NRXN3: variants seen among roughly 807,000 people sequenced by gnomAD.
The protein encoded by NRXN3 is neurexin III.
Under a neutral mutation model 137.6 loss-of-function variants are expected in NRXN3, and 32 were observed. The ratio of observed to expected loss-of-function variants is 0.23; its 90% CI spans 0.18 to 0.31. The LOEUF is 0.31. NRXN3 is among the 10% of genes least tolerant of loss of function. NRXN3 has a pLI of 1.00. For synonymous variants in NRXN3, 798 were observed against 784.5 expected, an observed-to-expected ratio of 1.02 and a Z score of -0.29; for missense variants, 1,574 against 2,062.5, an observed-to-expected ratio of 0.76 and a Z score of 4.59.
At chr14:78,667,423 A>G (rs1192806213) in intron 6 of NRXN3, among the ~76,000 whole-genome samples, 1 of 152,190 alleles carries the variant, frequency 6.6e-6, no homozygotes, top group Non-Finnish European at 1.5e-5. Flanking sequence ...TGGTCCTTAC[A>G]ATACCCCATA....
intron 8 of NRXN3, among the ~76,000 whole-genome samples, chr14:78,732,941 T>A (rs538358464): frequency 1.3e-5 from 2 of 152,210 alleles, no homozygotes; most frequent in South Asian, 4.1e-4. Flanking sequence ...ATTACTGAAA[T>A]TTGCTCAAGT....
rs574596442 is a variant in NRXN3 at position 79,014,812 on chromosome 14, T to A, written c.3262+26671T>A. Among the ~76,000 whole-genome samples the A allele has an allele frequency of 2.6e-5, 4 of 152,278 alleles. No homozygotes were observed. In the South Asian group the frequency reaches 8.3e-4, roughly 32 times the overall value. On this transcript the variant is annotated intron_variant, in intron 15 of 20. Coordinates refer to ENST00000335750, the MANE Select transcript of NRXN3 (RefSeq NM_001330195.2). ...GTTCCTTCAATCTTTGAAGTTGCTG[T>A]CCCTTGGATGGATTTTTGTTGCTTT...
chr14:79,279,172 G>A (rs2080818437), intron 15 of NRXN3, among the ~76,000 whole-genome samples: 1 of 152,098 alleles, frequency 6.6e-6, no homozygotes, highest in South Asian at 2.1e-4. Flanking sequence ...GCGAGAGGAG[G>A]GCGGGCGGCG....
chr14:78,338,645 A>T (rs1201842077), intron 4 of NRXN3, among the ~76,000 whole-genome samples: 6 of 152,222 alleles, frequency 3.9e-5, no homozygotes, highest in Non-Finnish European at 8.8e-5. Flanking sequence ...GGGGAAGTAT[A>T]TCAGTTATTT....
At chr14:78,386,286 G>A (rs909302848) in intron 4 of NRXN3, among the ~76,000 whole-genome samples, 7 of 152,068 alleles carry the variant, frequency 4.6e-5, no homozygotes, top group African/African-American at 1.7e-4. Flanking sequence ...ATAGATAAAG[G>A]CAAAGAAAAA....
chr14:79,790,998 G>C (rs1014198410), intron 19 of NRXN3, among the ~76,000 whole-genome samples: 1 of 152,224 alleles, frequency 6.6e-6, no homozygotes, highest in South Asian at 2.1e-4. Context: ...TCATTACTAT[G>C]GGGAGGGCAC....
intron 8 of NRXN3, among the ~76,000 whole-genome samples, chr14:78,730,317 TCC>T (rs2098508845): frequency 6.6e-6 from 1 of 152,102 alleles, no homozygotes. Context: ...ACCCTTTTGT[TCC>T]CCCTCACTCC....
chr14:79,723,987 T>G (rs1343168780), intron 19 of NRXN3, among the ~76,000 whole-genome samples: 1 of 152,164 alleles, frequency 6.6e-6, no homozygotes, highest in Non-Finnish European at 1.5e-5. Context: ...TGGCTCCACA[T>G]TAAAATGTCT....
At chr14:79,151,854 T>C (rs201048391) in intron 15 of NRXN3, among the ~76,000 whole-genome samples, 1 of 152,046 alleles carries the variant, frequency 6.6e-6, no homozygotes, top group African/African-American at 2.4e-5. Context: ...ATTTTCTAAT[T>C]TGCAATTTTT....
At chr14:79,119,325 C>A (rs778334060) in intron 15 of NRXN3, among the ~76,000 whole-genome samples, 1 of 152,062 alleles carries the variant, frequency 6.6e-6, no homozygotes, top group Non-Finnish European at 1.5e-5. Flanking sequence ...TGAATCAAAT[C>A]TAAGCTGCTG....
chr14:79,522,814 A>G (rs1467234930), intron 16 of NRXN3, among the ~76,000 whole-genome samples: 2 of 152,090 alleles, frequency 1.3e-5, no homozygotes, highest in Non-Finnish European at 2.9e-5. Flanking sequence ...TCGGAGCACA[A>G]CTCTTTATCA....
At chr14:78,562,204 C>T (rs1196731561) in intron 4 of NRXN3, among the ~76,000 whole-genome samples, 1 of 151,908 alleles carries the variant, frequency 6.6e-6, no homozygotes, top group Non-Finnish European at 1.5e-5. Flanking sequence ...TGAGAACATC[C>T]TGGCCAACAT....
intron 15 of NRXN3, among the ~76,000 whole-genome samples, chr14:79,061,181 G>T (rs536752923): frequency 6.6e-6 from 1 of 152,268 alleles, no homozygotes; most frequent in South Asian, 2.1e-4. Context: ...AAACACTGGG[G>T]AGACAACAGT....
intron 16 of NRXN3, among the ~76,000 whole-genome samples, chr14:79,537,953 G>C (rs1567429978): frequency 1.3e-5 from 2 of 152,142 alleles, no homozygotes; most frequent in Non-Finnish European, 2.9e-5. Flanking sequence ...TCCAGCACCT[G>C]TTGTTTCCTA....
intron 20 of NRXN3, among the ~76,000 whole-genome samples, chr14:79,826,995 G>A (rs550400656): frequency 3.3e-4 from 50 of 152,174 alleles, no homozygotes; most frequent in African/African-American, 1.2e-3. Flanking sequence ...TAGAGAGCAC[G>A]GATATAATAG....
Position 79,264,562 on chromosome 14 carries a change from G to A in NRXN3, c.3263-202659G>A, listed in dbSNP as rs538242330. ...TGTGTGTGTGTGTGTGTGTGTGCGC[G>A]CGTGCATGTATGTCCCCAAACTCCG... On this transcript the variant is annotated intron_variant, in intron 15 of 20. Coordinates refer to ENST00000335750, the MANE Select transcript of NRXN3 (RefSeq NM_001330195.2). Among the ~76,000 whole-genome samples the A allele has an allele frequency of 3.2e-4, 49 of 151,726 alleles. No homozygotes were observed. In the East Asian group the frequency reaches 5.8e-3, roughly 18 times the overall value.
At chr14:78,953,885 G>A (rs1169674386) in intron 10 of NRXN3, among the ~76,000 whole-genome samples, 2 of 152,166 alleles carry the variant, frequency 1.3e-5, no homozygotes, top group Admixed American at 1.3e-4. Flanking sequence ...GAAAGTTAAT[G>A]GTTTTGAGAC....
chr14:78,754,623 T>C (rs2098659149), intron 8 of NRXN3, among the ~76,000 whole-genome samples: 1 of 152,182 alleles, frequency 6.6e-6, no homozygotes, highest in African/African-American at 2.4e-5. Flanking sequence ...ATTTTATATT[T>C]AGTAGTGCAG....
At chr14:79,398,102 A>C (rs549375338) in intron 15 of NRXN3, among the ~76,000 whole-genome samples, 1 of 152,342 alleles carries the variant, frequency 6.6e-6, no homozygotes, top group South Asian at 2.1e-4. Context: ...CAAGAAGCTC[A>C]ATCTTAAGAG....
Sources: gnomAD v4.1 joint callset for allele counts (sites outside exome capture counted in the v4.1 genomes callset) on GRCh38, gnomAD v4.1.1 for gene constraint, MANE v1.5 for transcripts, NCBI Gene and HGNC (gene_info 2026-07-23, HGNC 2026-07-21) for gene names.